The following GRP variants were observed in gnomAD, a reference collection of about 807,000 sequenced individuals.
GRP encodes the protein gastrin releasing peptide.
GRP carries 11 observed loss-of-function variants against 12.7 expected under a neutral mutation model. The ratio of observed to expected loss-of-function variants is 0.87; its 90% CI spans 0.55 to 1.44. GRP has a LOEUF of 1.44. Among genes scored for constraint, GRP ranks in the 40% most tolerant of loss-of-function variants. The pLI, the probability that GRP is intolerant of heterozygous loss-of-function variation, is 0.00. For missense variants in GRP, 212 were observed against 185.4 expected (o/e 1.14, Z -0.83); for synonymous variants, 84 against 77.7 (o/e 1.08, Z -0.43).
intron 2 of GRP, among the ~76,000 whole-genome samples, chr18:59,229,953 T>C (rs2070004502): frequency 6.6e-6 from 1 of 152,216 alleles, no homozygotes; most frequent in Non-Finnish European, 1.5e-5. Context: ...AACGATGCAC[T>C]GTCAAAGTAA....
intron 1 of GRP, among the ~76,000 whole-genome samples, chr18:59,221,606 T>A (rs2069836975): frequency 6.6e-6 from 1 of 152,044 alleles, no homozygotes; most frequent in East Asian, 1.9e-4. Context: ...TGTGTGTGTG[T>A]GTGTGTGTGT....
At chr18:59,219,387 G>A (rs1603382601), upstream of GRP, among the ~76,000 whole-genome samples, 1 of 147,262 alleles carries the variant, frequency 6.8e-6, no homozygotes. Flanking sequence ...GCAGCAGAGG[G>A]GGAGAGAGAG....
intron 1 of GRP, among the ~76,000 whole-genome samples, chr18:59,220,671 C>T (rs1230247657): frequency 6.6e-6 from 1 of 152,206 alleles, no homozygotes; most frequent in Non-Finnish European, 1.5e-5. Context: ...TTCCCCAGGG[C>T]ACCCGAGCTC....
intron 2 of GRP, among the ~76,000 whole-genome samples, chr18:59,228,946 T>C (rs983344103): frequency 1.3e-5 from 2 of 152,178 alleles, no homozygotes; most frequent in Non-Finnish European, 2.9e-5. Context: ...TTAGTGGACA[T>C]GAAGAGGGCA....
intron 1 of GRP, among the ~76,000 whole-genome samples, chr18:59,224,358 C>A (rs2069881764): frequency 6.6e-6 from 1 of 152,232 alleles, no homozygotes; most frequent in Admixed American, 6.5e-5. Context: ...GAGGGCTTCT[C>A]TGTTGGTGGA....
chr18:59,226,806 A>G (rs1343014241), intron 2 of GRP, among the ~76,000 whole-genome samples: 3 of 152,148 alleles, frequency 2.0e-5, no homozygotes, highest in Admixed American at 1.3e-4. Flanking sequence ...TCACTCTTTC[A>G]TGGTGAAGAC....
intron 1 of GRP, among the ~76,000 whole-genome samples, chr18:59,224,654 C>G (rs1162351955): frequency 6.6e-6 from 1 of 152,148 alleles, no homozygotes; most frequent in African/African-American, 2.4e-5. Context: ...ATTCTGTACC[C>G]ACTTCTGACT....
At chr18:59,219,527 G>A (rs192112540), upstream of GRP, among the ~76,000 whole-genome samples, 1 of 49,254 alleles carries the variant, frequency 2.0e-5, no homozygotes. Context: ...GGGAGAGGAG[G>A]GGAGAGGAGG....
upstream of GRP, among the ~76,000 whole-genome samples, chr18:59,219,630 C>A (rs1394783976): frequency 2.6e-5 from 4 of 151,206 alleles, no homozygotes; most frequent in Non-Finnish European, 5.9e-5. Flanking sequence ...GAGAGATCTG[C>A]AAGGAGGCAA....
upstream of GRP, among the ~76,000 whole-genome samples, chr18:59,219,620 G>T (rs1193444427): frequency 1.3e-5 from 2 of 151,816 alleles, no homozygotes; most frequent in South Asian, 2.1e-4. Flanking sequence ...GAAAAAGAGA[G>T]AGAGATCTGC....
At position 59,230,568 on chromosome 18, in the gene GRP, AAT is replaced by A. The variant is rs776240233; in HGVS notation, c.*103_*104del. ...TCATCAACAAGATTTCCTTGTGCAA[AAT>A]ATTTGACTATTCTGTATCTTTCATC... On this transcript the variant is annotated 3_prime_UTR_variant, in exon 3 of 3. Transcript: ENST00000256857. The A allele has an allele frequency of 7.1e-4, 530 of 750,842 alleles. No homozygotes were observed. The highest frequency in any genetic ancestry group is 1.1e-3 in the Non-Finnish European group (460 of 411,274). The allele number at this position is 750,842 out of a possible 1,614,324, so 46.5% of individuals were successfully genotyped here. A position where few individuals can be genotyped will look rare whatever the true frequency, so the allele number is the denominator to read the frequency against.
At chr18:59,228,306 C>G (rs572556836) in intron 2 of GRP, among the ~76,000 whole-genome samples, 25 of 152,226 alleles carry the variant, frequency 1.6e-4, no homozygotes, top group Middle Eastern at 3.4e-3. Context: ...TATTAGAACC[C>G]ATATATCTCC....
At chr18:59,220,131 T>G, upstream of GRP, 4 of 245,096 alleles carry the variant, frequency 1.6e-5, no homozygotes, top group Non-Finnish European at 3.1e-5. Context: ...GGCTTCCATA[T>G]AAAGTAGGGG....
intron 2 of GRP, among the ~76,000 whole-genome samples, chr18:59,227,168 C>T (rs1260316242): frequency 6.6e-6 from 1 of 150,810 alleles, no homozygotes; most frequent in Non-Finnish European, 1.5e-5. Context: ...CAAGTGATTT[C>T]CCTCAGCCTT....
chr18:59,223,541 G>A (rs762537742), intron 1 of GRP, among the ~76,000 whole-genome samples: 1 of 152,164 alleles, frequency 6.6e-6, no homozygotes, highest in Non-Finnish European at 1.5e-5. Flanking sequence ...ATTCAGGCAT[G>A]ACAAAAATGA....
chr18:59,223,577 AC>A (rs1219106918), intron 1 of GRP, among the ~76,000 whole-genome samples: 1 of 152,172 alleles, frequency 6.6e-6, no homozygotes, highest in Non-Finnish European at 1.5e-5. Flanking sequence ...TATCTGCATC[AC>A]TTCTCTGTTT....
intron 1 of GRP, among the ~76,000 whole-genome samples, chr18:59,222,709 T>C (rs931009501): frequency 1.3e-5 from 2 of 152,246 alleles, no homozygotes; most frequent in African/African-American, 4.8e-5. Context: ...TCCATGAGGA[T>C]GCTGTCAGCA....
chr18:59,221,595 C>CTGTGTGTGTGTGTCTCTGTGTGTG, intron 1 of GRP, among the ~76,000 whole-genome samples: 1 of 149,870 alleles, frequency 6.7e-6, no homozygotes, highest in African/African-American at 2.4e-5. Context: ...GTGTGTGTCT[C>CTGTGTGTGTGTGTCTCTGTGTGTG]TGTGTGTGTG....
chr18:59,220,166 C>T lies in GRP; in HGVS notation c.-100C>T. On this transcript the variant is annotated 5_prime_UTR_variant, in exon 1 of 3. Coordinates refer to ENST00000256857, the MANE Select transcript of GRP (RefSeq NM_002091.5). ...GCCCTAGTGGAGGCCGCAGCAGTAG[C>T]ACCAGCGGCTGCGGCGGCGGAGCTC... The T allele has an allele frequency of 1.1e-6, 1 of 898,098 alleles. No homozygotes were observed. The highest frequency in any genetic ancestry group is 2.2e-5 in the South Asian group (1 of 46,368). 55.6% of individuals were successfully genotyped at this position (898,098 alleles called of 1,614,324 possible). A position where few individuals can be genotyped will look rare whatever the true frequency, so the allele number is the denominator to read the frequency against.
Sources: gnomAD v4.1 joint callset for allele counts (sites outside exome capture counted in the v4.1 genomes callset) on GRCh38, gnomAD v4.1.1 for gene constraint, MANE v1.5 for transcripts, NCBI Gene and HGNC (gene_info 2026-07-23, HGNC 2026-07-21) for gene names.